The following GFRA1 variants were observed in gnomAD, a reference collection of about 807,000 sequenced individuals.
The protein encoded by GFRA1 is GDNF family receptor alpha 1.
Under a neutral mutation model 51.6 loss-of-function variants are expected in GFRA1, and 16 were observed. The observed-to-expected ratio is 0.31, with a 90% CI of 0.21 to 0.47. The LOEUF (loss-of-function observed/expected upper bound fraction) is 0.47, where lower values mean the gene tolerates loss of function less well. GFRA1 is among the 20% of genes least tolerant of loss of function. The probability of loss-of-function intolerance (pLI) is 1.00; values close to 1 mark genes in which losing one functional copy is unlikely to be tolerated. For synonymous variants in GFRA1, 270 were observed against 241.3 expected (o/e 1.12, Z -1.10); for missense variants, 530 against 594.3 (o/e 0.89, Z 1.13).
Position 116,064,502 on chromosome 10 carries a change from T to G in GFRA1, c.1294A>C (p.Thr432Pro). ...KEGLGASSHI[T>P]TKSMAAPPSC... Reference sequence around the variant, plus strand: ...GGAGGAGCAGCCATTGATTTTGTGGTTATGTGGCTGGAAGCACCGAGACCT... The same window carrying G: ...GGAGGAGCAGCCATTGATTTTGTGGGTATGTGGCTGGAAGCACCGAGACCT... Residue 432 changes from threonine to proline, a missense_variant, in exon 11 of 11, where the codon ACC becomes CCC. Physicochemically the swap from Thr to Pro is conservative, Grantham distance 38. Transcript: ENST00000355422. 4.3e-6 allele frequency: 7 copies of G among 1,613,564 alleles called. No individual in the cohort carries two copies. The highest frequency in any genetic ancestry group is 5.9e-6 in the Non-Finnish European group (7 of 1,179,644).
At chr10:116,077,877 C>T (rs760428981) in intron 9 of GFRA1, among the ~76,000 whole-genome samples, 10 of 152,158 alleles carry the variant, frequency 6.6e-5, no homozygotes, top group Non-Finnish European at 1.3e-4. Context: ...AGTCAGCTTC[C>T]TATGTTAAAG....
rs553382949 is a variant in GFRA1 at position 116,059,887 on chromosome 10, T to C, written c.*4511A>G. 2.6e-5 allele frequency: 4 copies of C among 152,338 alleles called. No individual in the cohort carries two copies. Among genetic ancestry groups the C allele is most frequent in the Admixed American group, 2.6e-4 (4 of 15,304 alleles). The allele number at this position is 152,338 out of a possible 1,614,324, so 9.4% of individuals were successfully genotyped here. A position where few individuals can be genotyped will look rare whatever the true frequency, so the allele number is the denominator to read the frequency against. ...CTGGCTCCTGAGAGAGGCTTCTCTG[T>C]CTTAAAATATATCTGTTGGAACAAA... On this transcript the variant is annotated 3_prime_UTR_variant, in exon 11 of 11. Transcript: ENST00000355422.
chr10:116,232,771 A>G (rs924099824), intron 4 of GFRA1, among the ~76,000 whole-genome samples: 1 of 152,150 alleles, frequency 6.6e-6, no homozygotes, highest in African/African-American at 2.4e-5. Context: ...GGGCTCCAAA[A>G]CCTCAGATCT....
chr10:116,212,603 C>G (rs984787734), intron 4 of GFRA1, among the ~76,000 whole-genome samples: 3 of 151,654 alleles, frequency 2.0e-5, no homozygotes, highest in African/African-American at 7.3e-5. Flanking sequence ...CAGTCACTAA[C>G]TACCACCCCC....
chr10:116,255,918 A>G (rs573857969), intron 4 of GFRA1: 1 of 170,366 alleles, frequency 5.9e-6, no homozygotes, highest in Middle Eastern at 3.0e-3. Flanking sequence ...TTTTCTTTTC[A>G]GAGCAGAAGA....
intron 9 of GFRA1, among the ~76,000 whole-genome samples, chr10:116,075,973 T>A (rs111370009): frequency 6.6e-6 from 1 of 151,876 alleles, no homozygotes; most frequent in African/African-American, 2.4e-5. Context: ...CTCGATCTCC[T>A]GAACTCGTGA....
chr10:116,213,414 C>G (rs1026422391), intron 4 of GFRA1, among the ~76,000 whole-genome samples: 5 of 152,112 alleles, frequency 3.3e-5, no homozygotes, highest in African/African-American at 1.2e-4. Flanking sequence ...CCATCTGTGC[C>G]CCCTGTATGA....
chr10:116,161,110 GA>G (rs1333416077), intron 5 of GFRA1, among the ~76,000 whole-genome samples: 3 of 152,214 alleles, frequency 2.0e-5, no homozygotes, highest in African/African-American at 7.2e-5. Flanking sequence ...ACCGGGAGGT[GA>G]GAGGTGAGCC....
At chr10:116,264,578 C>T (rs1969523095) in intron 4 of GFRA1, among the ~76,000 whole-genome samples, 2 of 152,258 alleles carry the variant, frequency 1.3e-5, no homozygotes, top group South Asian at 4.1e-4. Context: ...AGTAGAATTG[C>T]CTGTTTGGGG....
intron 5 of GFRA1, among the ~76,000 whole-genome samples, chr10:116,133,290 AC>A (rs1322784449): frequency 6.6e-6 from 1 of 152,006 alleles, no homozygotes; most frequent in Non-Finnish European, 1.5e-5. Context: ...TTTGCAGGTT[AC>A]GTATTGCTTT....
At chr10:116,111,322 G>C (rs1336265377) in intron 6 of GFRA1, among the ~76,000 whole-genome samples, 1 of 152,170 alleles carries the variant, frequency 6.6e-6, no homozygotes, top group African/African-American at 2.4e-5. Context: ...AACTGCAGTG[G>C]GGCCAGCCCA....
At chr10:116,100,559 A>G (rs57314542) in intron 6 of GFRA1, among the ~76,000 whole-genome samples, 197 of 152,362 alleles carry the variant, frequency 1.3e-3, no homozygotes, top group African/African-American at 4.4e-3. Context: ...AGGTCTTGAA[A>G]GCCTTTGAAT....
chr10:116,187,718 C>G (rs183114490), intron 5 of GFRA1, among the ~76,000 whole-genome samples: 1 of 152,278 alleles, frequency 6.6e-6, no homozygotes, highest in African/African-American at 2.4e-5. Flanking sequence ...ACAAAGAAAG[C>G]ATCCAGACCC....
At chr10:116,064,565 A>AT (rs1224566411) in intron 10 of GFRA1, 21 bp from the exon 11 acceptor site, 19 of 1,603,992 alleles carry the variant, frequency 1.2e-5, no homozygotes, top group Non-Finnish European at 1.6e-5. Flanking sequence ...GAATGGTTTC[A>AT]TTATCATCCA....
At chr10:116,092,729 A>G (rs934003241) in intron 8 of GFRA1, among the ~76,000 whole-genome samples, 2 of 152,240 alleles carry the variant, frequency 1.3e-5, no homozygotes, top group African/African-American at 4.8e-5. Context: ...ACTCAGCTGT[A>G]TGGCAGGATA....
At chr10:116,242,682 A>G (rs951968427) in intron 4 of GFRA1, among the ~76,000 whole-genome samples, 26 of 151,924 alleles carry the variant, frequency 1.7e-4, no homozygotes, top group African/African-American at 6.3e-4. Flanking sequence ...GGGTTTCACT[A>G]TGTTGGCCAG....
intron 4 of GFRA1, among the ~76,000 whole-genome samples, chr10:116,215,998 C>T (rs1368691667): frequency 6.6e-6 from 1 of 152,124 alleles, no homozygotes; most frequent in African/African-American, 2.4e-5. Context: ...CTCAGATTGC[C>T]TTTCTTAGCC....
Position 116,155,976 on chromosome 10 carries a change from C to T in GFRA1, c.434-30419G>A, listed in dbSNP as rs76889632. ...AAACAAAGAAGGCCACGATCAGCCC[C>T]GTGCAGGCCTGAGTGGCCCATGTGA... On this transcript the variant is annotated intron_variant, in intron 5 of 10. Coordinates refer to ENST00000355422, the MANE Select transcript of GFRA1 (RefSeq NM_005264.8). Among the ~76,000 whole-genome samples, 1,082 of 152,316 alleles carry T rather than the reference C, an allele frequency of 7.1e-3. 19 individuals are homozygous for T. Among genetic ancestry groups the T allele is most frequent in the African/African-American group, 0.025 (1,021 of 41,566 alleles).
chr10:116,262,314 G>A (rs1969355473), intron 4 of GFRA1, among the ~76,000 whole-genome samples: 1 of 152,048 alleles, frequency 6.6e-6, no homozygotes, highest in Non-Finnish European at 1.5e-5. Flanking sequence ...TGGAACATTT[G>A]GGTCTTTGCC....
Sources: allele counts gnomAD v4.1 joint callset (sites outside exome capture counted in the v4.1 genomes callset), GRCh38; gene constraint gnomAD v4.1.1; transcripts MANE v1.5; gene names NCBI Gene and HGNC (gene_info 2026-07-23, HGNC 2026-07-21).